The following GRM7 variants were observed in gnomAD, a reference collection of about 807,000 sequenced individuals.
GRM7 encodes glutamate metabotropic receptor 7.
GRM7 carries 35 observed loss-of-function variants against 84.5 expected under a neutral mutation model. The ratio of observed to expected loss-of-function variants is 0.41; its 90% CI spans 0.32 to 0.55. The LOEUF is 0.55. Ranked by LOEUF, GRM7 falls within the 20% of genes least tolerant of loss-of-function variation. GRM7 has a pLI of 0.19. For missense variants in GRM7, 1,003 were observed against 1,194.6 expected, an observed-to-expected ratio of 0.84 and a Z score of 2.36; for synonymous variants, 487 against 455.1, an observed-to-expected ratio of 1.07 and a Z score of -0.89.
intron 1 of GRM7, among the ~76,000 whole-genome samples, chr3:6,979,521 A>G (rs1413326590): frequency 6.6e-6 from 1 of 151,462 alleles, no homozygotes; most frequent in Non-Finnish European, 1.5e-5. Flanking sequence ...GATCTCAGTG[A>G]TATTTATTAA....
chr3:6,953,628 C>T (rs1357196228), intron 1 of GRM7, among the ~76,000 whole-genome samples: 1 of 152,188 alleles, frequency 6.6e-6, no homozygotes, highest in African/African-American at 2.4e-5. Flanking sequence ...CTTTTCATAG[C>T]ACAATCCCCA....
intron 7 of GRM7, among the ~76,000 whole-genome samples, chr3:7,524,023 C>A (rs1188169404): frequency 2.0e-5 from 3 of 152,024 alleles, no homozygotes; most frequent in Non-Finnish European, 2.9e-5. Context: ...ATCACGGAGG[C>A]TAGGAGGGTG....
intron 1 of GRM7, among the ~76,000 whole-genome samples, chr3:6,864,285 C>T (rs908754055): frequency 6.6e-6 from 1 of 152,152 alleles, no homozygotes; most frequent in Non-Finnish European, 1.5e-5. Context: ...CTAGATAAAA[C>T]AGTTGGTTTG....
intron 4 of GRM7, among the ~76,000 whole-genome samples, chr3:7,345,967 C>T (rs1692874048): frequency 6.6e-6 from 1 of 152,032 alleles, no homozygotes; most frequent in African/African-American, 2.4e-5. Context: ...GAAAAATAAT[C>T]ATAAACTATG....
At chr3:7,695,179 A>AAGAG (rs1185725466) in intron 9 of GRM7, among the ~76,000 whole-genome samples, 1 of 152,186 alleles carries the variant, frequency 6.6e-6, no homozygotes, top group South Asian at 2.1e-4. Flanking sequence ...GTCCTCTCTC[A>AAGAG]AGAGACTCTC....
At chr3:6,976,726 G>C (rs951790061) in intron 1 of GRM7, among the ~76,000 whole-genome samples, 4 of 151,916 alleles carry the variant, frequency 2.6e-5, no homozygotes, top group African/African-American at 7.3e-5. Flanking sequence ...CAGAATTTTT[G>C]TCTTCACAAC....
At chr3:7,681,415 G>A (rs1320905100) in intron 9 of GRM7, 2 of 152,116 alleles carry the variant, frequency 1.3e-5, no homozygotes, top group Admixed American at 1.3e-4. Context: ...AAGCCAACTG[G>A]GTTTGATCCT....
At chr3:6,884,448 G>T (rs1309959380) in intron 1 of GRM7, 1 of 152,236 alleles carries the variant, frequency 6.6e-6, no homozygotes, top group East Asian at 1.9e-4. Flanking sequence ...TATTAGGACA[G>T]TTTTAAATAT....
chr3:7,365,937 A>G (rs1212532932), intron 4 of GRM7, among the ~76,000 whole-genome samples: 2 of 151,516 alleles, frequency 1.3e-5, no homozygotes, highest in Non-Finnish European at 3.0e-5. Flanking sequence ...AAGTTTCAAC[A>G]TTCTGGGGCC....
At chr3:7,083,749 T>C (rs1698348244) in intron 1 of GRM7, among the ~76,000 whole-genome samples, 2 of 152,114 alleles carry the variant, frequency 1.3e-5, no homozygotes, top group South Asian at 4.1e-4. Context: ...AAGAAATAAA[T>C]AGCACATACA....
chr3:7,223,473 C>G (rs1393283050), intron 2 of GRM7, among the ~76,000 whole-genome samples: 1 of 151,742 alleles, frequency 6.6e-6, no homozygotes, highest in Non-Finnish European at 1.5e-5. Flanking sequence ...ATGGAAATCA[C>G]CAGGCATAAT....
At chr3:6,955,582 C>T (rs1207621011) in intron 1 of GRM7, among the ~76,000 whole-genome samples, 11 of 151,528 alleles carry the variant, frequency 7.3e-5, no homozygotes, top group South Asian at 6.3e-4. Context: ...CAGTGACTCA[C>T]GCCTGTAATC....
chr3:7,489,873 T>A (rs2124948715), intron 7 of GRM7, among the ~76,000 whole-genome samples: 1 of 151,842 alleles, frequency 6.6e-6, no homozygotes, highest in African/African-American at 2.4e-5. Context: ...AATAAATATA[T>A]GACATATAAC....
At chr3:7,175,914 C>T (rs888269677) in intron 2 of GRM7, among the ~76,000 whole-genome samples, 1 of 152,048 alleles carries the variant, frequency 6.6e-6, no homozygotes, top group African/African-American at 2.4e-5. Flanking sequence ...ACAAACCCAC[C>T]AAAAGCTGAA....
chr3:7,579,644 A>T (rs923957202), intron 8 of GRM7, among the ~76,000 whole-genome samples: 2 of 152,314 alleles, frequency 1.3e-5, no homozygotes, highest in East Asian at 3.9e-4. Flanking sequence ...ATCTATCTAA[A>T]ATAACCCTTC....
chr3:6,976,909 A>C (rs1164022048), intron 1 of GRM7, among the ~76,000 whole-genome samples: 1 of 152,176 alleles, frequency 6.6e-6, no homozygotes, highest in Non-Finnish European at 1.5e-5. Flanking sequence ...TTTAACTCAT[A>C]GTTCTACCCC....
intron 7 of GRM7, chr3:7,561,522 C>T (rs879140055): frequency 4.4e-6 from 2 of 456,564 alleles, no homozygotes; most frequent in South Asian, 1.5e-5. Context: ...GTGCCTGCTA[C>T]AGAATGTTGG....
intron 4 of GRM7, among the ~76,000 whole-genome samples, chr3:7,387,198 C>T (rs557317545): frequency 1.4e-4 from 21 of 152,114 alleles, no homozygotes; most frequent in Admixed American, 1.2e-3. Flanking sequence ...GTCCTCTGTT[C>T]GATGCATAGT....
intron 9 of GRM7, among the ~76,000 whole-genome samples, chr3:7,710,187 T>C (rs941540007): frequency 1.3e-5 from 2 of 152,230 alleles, no homozygotes; most frequent in African/African-American, 4.8e-5. Context: ...CTTGGGTTTA[T>C]ATTTTTAAAG....
Sources: gnomAD v4.1 joint callset for allele counts (sites outside exome capture counted in the v4.1 genomes callset) on GRCh38, gnomAD v4.1.1 for gene constraint, MANE v1.5 for transcripts, NCBI Gene and HGNC (gene_info 2026-07-23, HGNC 2026-07-21) for gene names.